The following SPECC1 variants were observed in gnomAD, a reference collection of about 807,000 sequenced individuals.
SPECC1 encodes the protein cytospin-B.
SPECC1 carries 62 observed loss-of-function variants against 104.1 expected under a neutral mutation model. The ratio of observed to expected loss-of-function variants is 0.60; its 90% CI spans 0.49 to 0.74. The LOEUF (loss-of-function observed/expected upper bound fraction) is 0.74, where lower values mean the gene tolerates loss of function less well. SPECC1 is among the 30% of genes least tolerant of loss of function. The pLI is 0.00. For missense variants in SPECC1, 1,306 were observed against 1,310.5 expected, an observed-to-expected ratio of 1.00 and a Z score of 0.05; for synonymous variants, 513 against 501.6, an observed-to-expected ratio of 1.02 and a Z score of -0.30.
chr17:20,150,149 AT>A (rs564786030), intron 3 of SPECC1, among the ~76,000 whole-genome samples: 18 of 142,358 alleles, frequency 1.3e-4, no homozygotes, highest in African/African-American at 1.0e-4. Flanking sequence ...ATTTTTTTGT[AT>A]TTTTTTTTTA....
chr17:20,170,382 A>C (rs530435126), intron 3 of SPECC1, among the ~76,000 whole-genome samples: 1 of 152,364 alleles, frequency 6.6e-6, no homozygotes, highest in African/African-American at 2.4e-5. Flanking sequence ...TTTCAAAACG[A>C]ATGTGGTTGG....
At chr17:20,183,392 C>T (rs957549778) in intron 3 of SPECC1, among the ~76,000 whole-genome samples, 1 of 152,142 alleles carries the variant, frequency 6.6e-6, no homozygotes, top group Non-Finnish European at 1.5e-5. Context: ...ACATACTTAA[C>T]GTTGCAAATG....
At chr17:20,035,953 A>G (rs1022238767) in intron 1 of SPECC1, among the ~76,000 whole-genome samples, 6 of 151,482 alleles carry the variant, frequency 4.0e-5, no homozygotes, top group Admixed American at 1.3e-4. Flanking sequence ...CCTCCTGAGT[A>G]GCTGAGACTA....
rs551146121 is a variant in SPECC1, at chr17:20,216,085, G to A, written c.1863+10173G>A. On this transcript the variant is annotated intron_variant, in intron 4 of 14. Coordinates refer to ENST00000395527, the MANE Select transcript of SPECC1 (RefSeq NM_001243439.2). ...TTTACAGATTAACATATGAAGAGAG[G>A]GAGAAATTAAATCACTTGAAAAGAA... 4.9e-4 allele frequency among the ~76,000 whole-genome samples: 74 copies of A among 152,240 alleles called. 1 individual carries two copies. Among genetic ancestry groups the A allele is most frequent in the Admixed American group, 8.5e-4 (13 of 15,294 alleles).
At chr17:20,017,836 A>G (rs560945589) in intron 1 of SPECC1, among the ~76,000 whole-genome samples, 1 of 152,118 alleles carries the variant, frequency 6.6e-6, no homozygotes, top group Non-Finnish European at 1.5e-5. Context: ...AATATCTAAT[A>G]ATTTCTTCTA....
At chr17:20,257,736 T>C in intron 11 of SPECC1, 129 bp downstream of exon 11, 1 of 1,235,096 alleles carries the variant, frequency 8.1e-7, no homozygotes, top group Non-Finnish European at 1.1e-6. Context: ...ACTAAGACAC[T>C]GTGCCTGCCC....
At chr17:20,260,851 G>GT (rs2040000843) in intron 12 of SPECC1, among the ~76,000 whole-genome samples, 1 of 152,092 alleles carries the variant, frequency 6.6e-6, no homozygotes, top group South Asian at 2.1e-4. Context: ...ATGTGGGTCA[G>GT]TTTATCTGCT....
intron 4 of SPECC1, among the ~76,000 whole-genome samples, chr17:20,217,340 C>T (rs143296983): frequency 0.024 from 3,589 of 150,374 alleles, 58 homozygotes; most frequent in Non-Finnish European, 0.038. Flanking sequence ...GATAGTTATT[C>T]CAACATCCAA....
chr17:20,107,744 T>A (rs2048302062), intron 2 of SPECC1, among the ~76,000 whole-genome samples: 1 of 152,158 alleles, frequency 6.6e-6, no homozygotes. Context: ...AAGGCTTGTC[T>A]CAAACTCCTG....
At chr17:20,099,745 C>T (rs913634514) in intron 2 of SPECC1, among the ~76,000 whole-genome samples, 3 of 148,072 alleles carry the variant, frequency 2.0e-5, no homozygotes, top group Admixed American at 1.3e-4. Flanking sequence ...AAAATAAGGC[C>T]GGAAGAAGCA....
intron 10 of SPECC1, among the ~76,000 whole-genome samples, chr17:20,254,704 G>T (rs186489030): frequency 6.6e-6 from 1 of 152,276 alleles, no homozygotes; most frequent in East Asian, 1.9e-4. Context: ...CTGTTTACTG[G>T]TCCCTGTAGA....
At chr17:20,293,954 C>G (rs927585063) in intron 12 of SPECC1, among the ~76,000 whole-genome samples, 1 of 152,112 alleles carries the variant, frequency 6.6e-6, no homozygotes, top group African/African-American at 2.4e-5. Flanking sequence ...TCAGAAGCCA[C>G]CATCTCGATG....
intron 3 of SPECC1, among the ~76,000 whole-genome samples, chr17:20,118,060 A>T (rs1420355645): frequency 1.3e-5 from 2 of 152,080 alleles, no homozygotes; most frequent in Non-Finnish European, 2.9e-5. Flanking sequence ...AACTGAAATC[A>T]TGCCACTGCA....
intron 2 of SPECC1, among the ~76,000 whole-genome samples, chr17:20,105,676 TATC>T (rs1230675469): frequency 5.3e-5 from 8 of 152,196 alleles, no homozygotes; most frequent in Non-Finnish European, 1.2e-4. Flanking sequence ...CCCCTGTTCT[TATC>T]ATGACTGGCG....
chr17:20,129,130 C>T (rs1363090901), intron 3 of SPECC1, among the ~76,000 whole-genome samples: 1 of 151,592 alleles, frequency 6.6e-6, no homozygotes, highest in East Asian at 1.9e-4. Flanking sequence ...CCATCCTGGC[C>T]TCCCAAAGTG....
intron 3 of SPECC1, among the ~76,000 whole-genome samples, chr17:20,198,261 C>T (rs954946382): frequency 5.9e-5 from 9 of 152,140 alleles, no homozygotes; most frequent in Non-Finnish European, 1.0e-4. Context: ...ACTTACGTGG[C>T]CTCTGGGCAA....
chr17:20,232,175 TA>T (rs1436369563), intron 6 of SPECC1, 24 bp from the exon 7 acceptor site: 2 of 1,612,954 alleles, frequency 1.2e-6, no homozygotes, highest in Admixed American at 1.7e-5. Flanking sequence ...GCGTCTGACA[TA>T]AGGATGGGCT....
At chr17:20,131,558 T>A (rs1171246754) in intron 3 of SPECC1, among the ~76,000 whole-genome samples, 5 of 152,118 alleles carry the variant, frequency 3.3e-5, no homozygotes, top group Non-Finnish European at 7.3e-5. Context: ...CTAGAAAGTT[T>A]AACACTATAT....
intron 7 of SPECC1, among the ~76,000 whole-genome samples, chr17:20,235,872 C>G (rs1179707133): frequency 1.6e-5 from 2 of 126,696 alleles, no homozygotes; most frequent in Non-Finnish European, 3.5e-5. Flanking sequence ...TGCATTGTCC[C>G]CTCTTGGAGG....
Sources: gnomAD v4.1 joint callset for allele counts (sites outside exome capture counted in the v4.1 genomes callset) on GRCh38, gnomAD v4.1.1 for gene constraint, MANE v1.5 for transcripts, NCBI Gene and HGNC (gene_info 2026-07-23, HGNC 2026-07-21) for gene names.